PCDHA1: variants seen among roughly 807,000 people sequenced by gnomAD.
The protein encoded by PCDHA1 is protocadherin alpha 1.
Under a neutral mutation model 61.3 loss-of-function variants are expected in PCDHA1, and 42 were observed. The ratio of observed to expected loss-of-function variants is 0.69; its 90% confidence interval spans 0.54 to 0.89. The LOEUF (loss-of-function observed/expected upper bound fraction) is 0.89. PCDHA1 is among the 40% of genes least tolerant of loss of function. The pLI is 0.00. For synonymous variants in PCDHA1, 610 were observed against 553.8 expected (o/e 1.10, Z -1.43); for missense variants, 1,256 against 1,235.3 (o/e 1.02, Z -0.25).
chr5:140,886,251 T>A (rs189086759), intron 1 of PCDHA1, among the ~76,000 whole-genome samples: 397 of 152,156 alleles, frequency 2.6e-3, no homozygotes, highest in Non-Finnish European at 4.1e-3. Flanking sequence ...AATAAAAGTA[T>A]CTCTATTTAT....
rs782118774 is a variant in PCDHA1 at position 140,929,021 on chromosome 5, G to A, written c.2395-49928G>A. ...TTCGTGTGTACCAAGTTGCACCAGAGCCCAGGCTGTTGCGCTCAGAGCTGC... is the reference window on the plus strand; with the variant it reads ...TTCGTGTGTACCAAGTTGCACCAGAACCCAGGCTGTTGCGCTCAGAGCTGC... On this transcript the variant is annotated intron_variant, in intron 1 of 3. Coordinates refer to ENST00000504120, the MANE Select transcript of PCDHA1 (RefSeq NM_018900.4). 5 of 1,614,072 alleles carry A rather than the reference G, an allele frequency of 3.1e-6. No homozygotes were observed. In the African/African-American group the frequency reaches 6.7e-5, roughly 22 times the overall value.
Position 140,788,223 on chromosome 5 carries a change from T to C in PCDHA1, c.1933T>C (p.Tyr645His), listed in dbSNP as rs17844239. ...RVLDEADLSR[Y>H]RLLVLVKDHG... is the part of the protein sequence containing the mutation. ...CCTGGACGAGGCTGACTTGTCGCGC[T>C]ACCGCCTTCTGGTGCTAGTGAAGGA... Residue 645 changes from tyrosine to histidine, a missense_variant, in exon 1 of 4, where the codon TAC (tyrosine) becomes CAC (histidine). Transcript: ENST00000504120. 29 of 1,613,912 alleles carry C rather than the reference T, an allele frequency of 1.8e-5. No homozygotes were observed. The East Asian group carries it at 6.0e-4, about 33-fold the overall frequency.
intron 1 of PCDHA1, among the ~76,000 whole-genome samples, chr5:140,906,729 G>T (rs1444256364): frequency 1.3e-5 from 2 of 152,184 alleles, no homozygotes; most frequent in Admixed American, 1.3e-4. Flanking sequence ...TGCTGTTGTA[G>T]TTTCCCATTG....
chr5:141,000,103 G>T (rs551643743), intron 3 of PCDHA1, among the ~76,000 whole-genome samples: 2 of 152,068 alleles, frequency 1.3e-5, no homozygotes, highest in Non-Finnish European at 2.9e-5. Flanking sequence ...GCTCAACTCC[G>T]TCTCTTCCCT....
At chr5:140,991,539 C>T (rs1458315356) in intron 3 of PCDHA1, among the ~76,000 whole-genome samples, 3 of 152,164 alleles carry the variant, frequency 2.0e-5, no homozygotes, top group Admixed American at 6.6e-5. Context: ...CACTATATAA[C>T]AAGGATCCAC....
At chr5:140,891,431 A>G (rs912407002) in intron 1 of PCDHA1, among the ~76,000 whole-genome samples, 1 of 143,446 alleles carries the variant, frequency 7.0e-6, no homozygotes, top group Non-Finnish European at 1.5e-5. Context: ...CAAGTCCCCA[A>G]CGTCCATTGT....
intron 2 of PCDHA1, among the ~76,000 whole-genome samples, chr5:140,981,839 A>T (rs950232298): frequency 6.6e-6 from 1 of 152,116 alleles, no homozygotes; most frequent in Non-Finnish European, 1.5e-5. Flanking sequence ...AAGGTCTCCC[A>T]GTTTGTATCT....
Position 140,787,938 on chromosome 5 carries a change from A to G in PCDHA1, c.1648A>G (p.Thr550Ala), listed in dbSNP as rs569142727. The part of the protein sequence containing the change: ...AGVPPLGSNV[T>A]LQVFVLDEND... The stretch of plus-strand genomic sequence containing the variant: ...CGTGCCGCCTCTGGGCAGCAACGTG[A>G]CGCTGCAGGTGTTCGTGCTGGACGA... The change falls in exon 1 of 4, where the codon ACG becomes GCG. Residue 550 changes from threonine (T) to alanine (A), a missense_variant. Transcript: ENST00000504120. The G allele has an allele frequency of 1.0e-4, 165 of 1,613,876 alleles. 1 individual carries two copies. The South Asian group carries it at 1.7e-3, about 16-fold the overall frequency.
intron 1 of PCDHA1, among the ~76,000 whole-genome samples, chr5:140,799,092 A>G (rs186975155): frequency 2.0e-4 from 31 of 152,302 alleles, no homozygotes; most frequent in Non-Finnish European, 3.5e-4. Flanking sequence ...CTGTTGCTCT[A>G]TAAGTTTTTT....
intron 1 of PCDHA1, among the ~76,000 whole-genome samples, chr5:140,952,280 G>A (rs1320502466): frequency 2.0e-5 from 3 of 151,652 alleles, no homozygotes; most frequent in Non-Finnish European, 4.4e-5. Context: ...TGAGGGTGGT[G>A]GCCCTCTTCT....
chr5:140,829,414 G>T lies in PCDHA1; in HGVS notation c.2394+40730G>T, dbSNP rs2150167500. On this transcript the variant is annotated intron_variant, in intron 1 of 3. Transcript: ENST00000504120. ...CTTCGCTGTGGGCCACCGCCAGCTTGTCTGTGGAGGTGGCCGACATGAATG... is the reference window on the plus strand; with the variant it reads ...CTTCGCTGTGGGCCACCGCCAGCTTTTCTGTGGAGGTGGCCGACATGAATG... 5.0e-6 allele frequency: 8 copies of T among 1,614,162 alleles called. No homozygotes were observed. In the East Asian group the frequency reaches 1.8e-4, roughly 36 times the overall value.
chr5:140,971,032 G>A (rs540815935), intron 1 of PCDHA1, among the ~76,000 whole-genome samples: 4 of 152,302 alleles, frequency 2.6e-5, no homozygotes, highest in African/African-American at 7.2e-5. Context: ...GCATTTGAAA[G>A]CACGTAAAAG....
chr5:140,848,592 T>C, intron 1 of PCDHA1: 1 of 1,594,614 alleles, frequency 6.3e-7, no homozygotes, highest in Non-Finnish European at 8.6e-7. Context: ...CCAGCTCCAC[T>C]ACTCCGTCCC....
intron 1 of PCDHA1, among the ~76,000 whole-genome samples, chr5:140,799,358 T>C (rs1762421174): frequency 1.3e-5 from 2 of 152,152 alleles, no homozygotes; most frequent in Non-Finnish European, 2.9e-5. Flanking sequence ...GTCAAAGGCA[T>C]CTCATTACTA....
intron 1 of PCDHA1, chr5:140,801,021 A>G: frequency 7.0e-7 from 1 of 1,423,322 alleles, no homozygotes; most frequent in Admixed American, 3.0e-5. Context: ...GCTGTCCACC[A>G]CAAGGTCTTT....
intron 1 of PCDHA1, chr5:140,852,045 G>A: frequency 2.2e-6 from 2 of 919,488 alleles, no homozygotes; most frequent in Non-Finnish European, 2.6e-6. Flanking sequence ...TTTTTGTTAT[G>A]TGGTTTATAT....
chr5:140,826,240 A>G (rs1198121014), intron 1 of PCDHA1, among the ~76,000 whole-genome samples: 5 of 152,228 alleles, frequency 3.3e-5, no homozygotes, highest in Admixed American at 2.6e-4. Context: ...AACTATTTAT[A>G]TATCTCTTTA....
At chr5:140,878,725 A>G (rs1230048195) in intron 1 of PCDHA1, among the ~76,000 whole-genome samples, 1 of 152,252 alleles carries the variant, frequency 6.6e-6, no homozygotes, top group African/African-American at 2.4e-5. Flanking sequence ...TAAAATTTCC[A>G]GCCTTATATC....
intron 1 of PCDHA1, among the ~76,000 whole-genome samples, chr5:140,958,822 A>G (rs1554223658): frequency 6.6e-6 from 1 of 152,146 alleles, no homozygotes; most frequent in Non-Finnish European, 1.5e-5. Context: ...TTTAATTTTT[A>G]TATCTTAAAG....
Sources: gnomAD v4.1 joint callset for allele counts (sites outside exome capture counted in the v4.1 genomes callset) on GRCh38, gnomAD v4.1.1 for gene constraint, MANE v1.5 for transcripts, NCBI Gene and HGNC (gene_info 2026-07-23, HGNC 2026-07-21) for gene names.